SLC2A13: variants seen among roughly 807,000 people sequenced by gnomAD.
The protein encoded by SLC2A13 is proton myo-inositol cotransporter.
A neutral mutation model predicts 64.4 loss-of-function variants in SLC2A13; 32 were observed. The ratio of observed to expected loss-of-function variants is 0.50; its 90% CI spans 0.37 to 0.67. The LOEUF is 0.67. Among genes scored for constraint, SLC2A13 ranks in the 30% least tolerant of loss-of-function variants. The pLI, the probability that SLC2A13 is intolerant of heterozygous loss-of-function variation, is 0.00. For missense variants in SLC2A13, 743 were observed against 829.2 expected (o/e 0.90, Z 1.28); for synonymous variants, 338 against 327.1 (o/e 1.03, Z -0.36).
At chr12:40,058,078 TAGATAGATA>T (rs1948361747) in intron 1 of SLC2A13, among the ~76,000 whole-genome samples, 1 of 151,254 alleles carries the variant, frequency 6.6e-6, no homozygotes, top group Admixed American at 6.6e-5. Context: ...GATAGATAGA[TAGATAGATA>T]GATTGATTTA....
At chr12:40,094,854 G>C (rs1938885000) in intron 1 of SLC2A13, among the ~76,000 whole-genome samples, 1 of 152,222 alleles carries the variant, frequency 6.6e-6, no homozygotes, top group Admixed American at 6.5e-5. Flanking sequence ...AAAAGAGAAA[G>C]AGCTGGAATG....
chr12:39,910,144 A>C (rs1945394803), intron 4 of SLC2A13, among the ~76,000 whole-genome samples: 1 of 152,092 alleles, frequency 6.6e-6, no homozygotes, highest in Non-Finnish European at 1.5e-5. Flanking sequence ...ATGTACAAAC[A>C]CATTTCCATC....
intron 3 of SLC2A13, among the ~76,000 whole-genome samples, chr12:40,012,924 G>A (rs533754528): frequency 6.6e-6 from 1 of 152,272 alleles, no homozygotes; most frequent in South Asian, 2.1e-4. Flanking sequence ...TTTCGCTAGG[G>A]AATGTTTGAC....
At chr12:39,896,023 C>A (rs1289482051) in intron 4 of SLC2A13, among the ~76,000 whole-genome samples, 2 of 135,606 alleles carry the variant, frequency 1.5e-5, no homozygotes, top group Non-Finnish European at 3.1e-5. Flanking sequence ...TATATGTATA[C>A]ATACATGCAT....
At chr12:40,005,511 G>C (rs1947400110) in intron 3 of SLC2A13, among the ~76,000 whole-genome samples, 1 of 152,084 alleles carries the variant, frequency 6.6e-6, no homozygotes, top group Non-Finnish European at 1.5e-5. Flanking sequence ...TAAATCAGTG[G>C]TTCTCAAAGA....
At chr12:39,828,174 C>T (rs1942745710) in intron 7 of SLC2A13, among the ~76,000 whole-genome samples, 1 of 152,076 alleles carries the variant, frequency 6.6e-6, no homozygotes, top group Non-Finnish European at 1.5e-5. Context: ...TCTTTTCTAG[C>T]CAAGACTAAG....
intron 3 of SLC2A13, among the ~76,000 whole-genome samples, chr12:40,020,314 A>T (rs28370666): frequency 0.098 from 14,905 of 152,170 alleles, 884 homozygotes; most frequent in East Asian, 0.19. Flanking sequence ...AGGTGATCAG[A>T]TCATGGAGGC....
At chr12:39,762,181 A>G (rs1940178178) in intron 9 of SLC2A13, among the ~76,000 whole-genome samples, 1 of 152,030 alleles carries the variant, frequency 6.6e-6, no homozygotes, top group Non-Finnish European at 1.5e-5. Context: ...GTGTGGGCAG[A>G]CCTGGGAGGC....
intron 6 of SLC2A13, among the ~76,000 whole-genome samples, chr12:39,837,924 T>G (rs904684172): frequency 1.1e-4 from 17 of 150,940 alleles, no homozygotes; most frequent in Non-Finnish European, 2.2e-4. Flanking sequence ...ATTGTGGAAG[T>G]CAGTGTGGCG....
chr12:39,792,391 A>T (rs1338882407), intron 7 of SLC2A13, among the ~76,000 whole-genome samples: 1 of 152,062 alleles, frequency 6.6e-6, no homozygotes, highest in African/African-American at 2.4e-5. Context: ...TAATTAAACT[A>T]AAGAGCTTCT....
At chr12:39,822,025 C>T (rs966777503) in intron 7 of SLC2A13, among the ~76,000 whole-genome samples, 6 of 151,100 alleles carry the variant, frequency 4.0e-5, no homozygotes, top group Non-Finnish European at 8.8e-5. Flanking sequence ...CACACTAACT[C>T]GTCATCTAGC....
intron 4 of SLC2A13, among the ~76,000 whole-genome samples, chr12:39,935,464 CT>C (rs1945902097): frequency 6.6e-6 from 1 of 152,088 alleles, no homozygotes; most frequent in African/African-American, 2.4e-5. Flanking sequence ...ACTCATTCCC[CT>C]TATACATCAT....
rs557242708 is a variant in SLC2A13 at position 40,105,660 on chromosome 12, C to A, written c.149G>T (p.Ser50Ile). The A allele has an allele frequency of 9.4e-6, 14 of 1,493,776 alleles. No homozygotes were observed. The African/African-American group carries it at 2.1e-4, about 22-fold the overall frequency. The allele number at this position is 1,493,776 out of a possible 1,614,324, so 92.5% of individuals were successfully genotyped here. Residue 50 changes from serine (S) to isoleucine (I), a missense_variant, in exon 1 of 10, where the codon AGC becomes ATC. Coordinates refer to ENST00000280871, the MANE Select transcript of SLC2A13 (RefSeq NM_052885.4). The surrounding 1 kb of genome is among the most constrained non-coding windows in gnomAD (Gnocchi z 4.2). ...SLLAAAESST[S>I]LQSAGAGGGG... ...GCCGCCCGCGCCCGCGCTCTGCAGG[C>A]TGGTGCTCGATTCGGCGGCAGCCAG...
chr12:40,032,291 G>A (rs903297718), intron 2 of SLC2A13, among the ~76,000 whole-genome samples: 1 of 152,216 alleles, frequency 6.6e-6, no homozygotes, highest in African/African-American at 2.4e-5. Context: ...CTACGGACAA[G>A]CAAGCGCACC....
At chr12:39,855,522 G>T (rs918709768) in intron 6 of SLC2A13, among the ~76,000 whole-genome samples, 1 of 152,122 alleles carries the variant, frequency 6.6e-6, no homozygotes, top group African/African-American at 2.4e-5. Context: ...TTGCAATTAC[G>T]TATCTGCATT....
chr12:40,071,121 G>A (rs1357879195), intron 1 of SLC2A13, among the ~76,000 whole-genome samples: 1 of 152,088 alleles, frequency 6.6e-6, no homozygotes. Flanking sequence ...GGCCAGAAAT[G>A]CTGCTAAGCA....
chr12:39,810,346 T>C (rs951260640), intron 7 of SLC2A13, among the ~76,000 whole-genome samples: 5 of 152,192 alleles, frequency 3.3e-5, no homozygotes, highest in African/African-American at 1.2e-4. Context: ...GTAATAGAAA[T>C]AAAATATATT....
chr12:39,921,211 G>T (rs1945610176), intron 4 of SLC2A13, among the ~76,000 whole-genome samples: 1 of 152,110 alleles, frequency 6.6e-6, no homozygotes, highest in Non-Finnish European at 1.5e-5. Flanking sequence ...ATGATCCCTG[G>T]TGTTTGCTTT....
chr12:39,967,936 G>T (rs144757681), intron 3 of SLC2A13, among the ~76,000 whole-genome samples: 1 of 152,282 alleles, frequency 6.6e-6, no homozygotes, highest in East Asian at 1.9e-4. Flanking sequence ...ATTTTGACCT[G>T]AAGTCATGAC....
Sources: gnomAD v4.1 joint callset for allele counts (sites outside exome capture counted in the v4.1 genomes callset) on GRCh38, gnomAD v4.1.1 for gene constraint, Gnocchi (gnomAD v3.1) non-coding constraint, MANE v1.5 for transcripts, NCBI Gene and HGNC (gene_info 2026-07-23, HGNC 2026-07-21) for gene names.